NEDD9: variants seen among roughly 807,000 people sequenced by gnomAD.
The protein encoded by NEDD9 is enhancer of filamentation 1.
In NEDD9, 26 loss-of-function variants were observed where a neutral mutation model predicts 76.6. The observed-to-expected ratio is 0.34, with a 90% CI of 0.25 to 0.47. The LOEUF (loss-of-function observed/expected upper bound fraction) is 0.47, where lower values mean the gene tolerates loss of function less well. NEDD9 is among the 20% of genes least tolerant of loss of function. The pLI is 1.00. For synonymous variants in NEDD9, 392 were observed against 414.2 expected (o/e 0.95, Z 0.65); for missense variants, 937 against 1,058.5 (o/e 0.89, Z 1.59).
At chr6:11,186,020 G>T (rs753593180) in intron 6 of NEDD9, among the ~76,000 whole-genome samples, 15 of 152,104 alleles carry the variant, frequency 9.9e-5, no homozygotes, top group Non-Finnish European at 2.2e-4. Context: ...TATGTAGTAG[G>T]CTCTATGTAA....
At chr6:11,208,513 A>T (rs1758676682) in intron 2 of NEDD9, among the ~76,000 whole-genome samples, 1 of 152,212 alleles carries the variant, frequency 6.6e-6, no homozygotes, top group South Asian at 2.1e-4. Context: ...CTTTCAGTTA[A>T]TTAAAGGTTA....
chr6:11,231,562 T>A (rs1169892965), intron 1 of NEDD9, among the ~76,000 whole-genome samples: 1 of 152,210 alleles, frequency 6.6e-6, no homozygotes, highest in Non-Finnish European at 1.5e-5. Flanking sequence ...ATAACACTTT[T>A]GTTTAAAATA....
intron 1 of NEDD9, among the ~76,000 whole-genome samples, chr6:11,351,904 A>T (rs192117294): frequency 2.0e-5 from 3 of 152,362 alleles, no homozygotes; most frequent in Admixed American, 6.5e-5. Flanking sequence ...TGCCAGCCCT[A>T]CAATTCCAAA....
intron 1 of NEDD9, among the ~76,000 whole-genome samples, 174 bp downstream of exon 1, chr6:11,232,330 A>G (rs1448880744): frequency 2.6e-5 from 4 of 151,194 alleles, no homozygotes; most frequent in Admixed American, 1.3e-4. Flanking sequence ...TGGGTCTCAA[A>G]GACCGGGTCT....
chr6:11,257,848 G>T lies in NEDD9; in HGVS notation c.13-44121C>A, dbSNP rs116633371. Among the ~76,000 whole-genome samples, 751 of 150,198 alleles carry T rather than the reference G, an allele frequency of 5.0e-3. 7 individuals are homozygous for T. Among genetic ancestry groups the T allele is most frequent in the African/African-American group, 0.017 (679 of 40,254 alleles). ...CAAAGGTTATCTTGTCTCATATCTT[G>T]TCTCTTTTTATTTCTTGTCTCTAGT... On this transcript the variant is annotated intron_variant, in intron 3 of 3. Coordinates refer to the NEDD9 transcript ENST00000397378.
chr6:11,193,241 G>T (rs1758205525), intron 3 of NEDD9, among the ~76,000 whole-genome samples: 1 of 151,790 alleles, frequency 6.6e-6, no homozygotes, highest in African/African-American at 2.4e-5. Flanking sequence ...AGCCTGGGAG[G>T]TGGAGGTTGC....
chr6:11,299,229 C>T (rs1760979170), intron 3 of NEDD9, among the ~76,000 whole-genome samples: 1 of 152,214 alleles, frequency 6.6e-6, no homozygotes, highest in African/African-American at 2.4e-5. Context: ...CAGAGCCTTG[C>T]TCACTGCTAG....
chr6:11,221,111 G>A (rs1406674776), intron 1 of NEDD9, among the ~76,000 whole-genome samples: 5 of 152,240 alleles, frequency 3.3e-5, no homozygotes, highest in South Asian at 2.1e-4. Flanking sequence ...GGCCGCGCAC[G>A]GTGGCTCACA....
intron 1 of NEDD9, among the ~76,000 whole-genome samples, chr6:11,218,865 C>T (rs1310842148): frequency 1.3e-5 from 2 of 152,254 alleles, no homozygotes; most frequent in East Asian, 1.9e-4. Context: ...AGGATAATGA[C>T]GCAGATCGGG....
intron 2 of NEDD9, among the ~76,000 whole-genome samples, chr6:11,325,612 T>C (rs1031863109): frequency 4.6e-5 from 7 of 152,144 alleles, no homozygotes; most frequent in Admixed American, 1.3e-4. Context: ...AAATAGCGAA[T>C]AAGAATGATT....
chr6:11,276,102 A>G (rs1345261975), intron 3 of NEDD9, among the ~76,000 whole-genome samples: 1 of 152,246 alleles, frequency 6.6e-6, no homozygotes, highest in African/African-American at 2.4e-5. Flanking sequence ...ACAATACGCT[A>G]GATTTGGAAG....
chr6:11,230,768 A>G (rs1012876339), intron 1 of NEDD9, among the ~76,000 whole-genome samples: 1 of 152,248 alleles, frequency 6.6e-6, no homozygotes, highest in Non-Finnish European at 1.5e-5. Context: ...CAACACCAGT[A>G]AGGCCCAGTG....
chr6:11,345,026 G>A (rs376855863), intron 1 of NEDD9, among the ~76,000 whole-genome samples: 1 of 152,304 alleles, frequency 6.6e-6, no homozygotes, highest in East Asian at 1.9e-4. Flanking sequence ...TGGAAGTAGA[G>A]AAGATATTAT....
At chr6:11,350,092 A>G (rs1762437330) in intron 1 of NEDD9, among the ~76,000 whole-genome samples, 1 of 152,244 alleles carries the variant, frequency 6.6e-6, no homozygotes, top group South Asian at 2.1e-4. Context: ...TCTAATACAC[A>G]ATAAACTAAT....
intron 1 of NEDD9, among the ~76,000 whole-genome samples, chr6:11,334,942 G>A (rs1762122199): frequency 6.6e-6 from 1 of 152,202 alleles, no homozygotes; most frequent in Admixed American, 6.5e-5. Flanking sequence ...GAGGAGTGTG[G>A]CGGCCAGCTG....
At chr6:11,208,012 T>C (rs1233077494) in intron 2 of NEDD9, among the ~76,000 whole-genome samples, 1 of 152,094 alleles carries the variant, frequency 6.6e-6, no homozygotes, top group Non-Finnish European at 1.5e-5. Flanking sequence ...ACCCCGTCTC[T>C]ACTAAAAGCA....
intron 3 of NEDD9, among the ~76,000 whole-genome samples, chr6:11,288,507 G>A (rs1181031176): frequency 6.6e-6 from 1 of 152,208 alleles, no homozygotes; most frequent in African/African-American, 2.4e-5. Flanking sequence ...TTAGAATGCT[G>A]CTGTCAATGG....
intron 1 of NEDD9, among the ~76,000 whole-genome samples, chr6:11,363,425 G>A (rs1323930816): frequency 6.6e-6 from 1 of 152,096 alleles, no homozygotes; most frequent in African/African-American, 2.4e-5. Flanking sequence ...ATGGATTTGT[G>A]GATACGTATC....
Position 11,200,767 on chromosome 6 carries a change from T to G in NEDD9, c.460-7075A>C, listed in dbSNP as rs556114952. 4.2e-6 allele frequency: 6 copies of G among 1,414,362 alleles called. No individual in the cohort carries two copies. The South Asian group carries it at 4.6e-5, about 11-fold the overall frequency. 87.6% of individuals were successfully genotyped at this position (1,414,362 alleles called of 1,614,324 possible). ...TCCTTGATGATCATCTGTAGAGTTC[T>G]TGGGGTTACTGTTTTCTGCTGTTCG... On this transcript the variant is annotated intron_variant, in intron 2 of 6. Transcript: ENST00000379446.
Sources: allele counts gnomAD v4.1 joint callset (sites outside exome capture counted in the v4.1 genomes callset), GRCh38; gene constraint gnomAD v4.1.1; transcripts MANE v1.5; gene names NCBI Gene and HGNC (gene_info 2026-07-23, HGNC 2026-07-21).